The following LEPR variants were observed in gnomAD, a reference collection of about 807,000 sequenced individuals.
The protein encoded by LEPR is leptin receptor.
Under a neutral mutation model 114.7 loss-of-function variants are expected in LEPR, and 56 were observed. The observed-to-expected ratio is 0.49, with a 90% CI of 0.39 to 0.61. The LOEUF (loss-of-function observed/expected upper bound fraction) is 0.61. LEPR is among the 20% of genes least tolerant of loss of function. LEPR has a pLI of 0.00. For missense variants in LEPR, 1,202 were observed against 1,352.9 expected (o/e 0.89, Z 1.75); for synonymous variants, 443 against 461.4 (o/e 0.96, Z 0.51).
intron 2 of LEPR, among the ~76,000 whole-genome samples, chr1:65,451,031 T>C (rs1180050310): frequency 6.7e-6 from 1 of 150,256 alleles, no homozygotes; most frequent in Non-Finnish European, 1.5e-5. Context: ...TGGCCAGTGA[T>C]GGTGAGCATT....
chr1:65,434,666 A>G (rs1299831471), intron 2 of LEPR: 2 of 985,274 alleles, frequency 2.0e-6, no homozygotes, highest in Non-Finnish European at 2.4e-6. Context: ...CCCTTTTCCT[A>G]AGAACAAGGT....
chr1:65,606,647 T>C (rs1174569068), intron 11 of LEPR, among the ~76,000 whole-genome samples: 3 of 152,002 alleles, frequency 2.0e-5, no homozygotes, highest in African/African-American at 4.8e-5. Flanking sequence ...AGACTGGATA[T>C]TCACTGCCAG....
intron 2 of LEPR, among the ~76,000 whole-genome samples, chr1:65,428,438 A>C (rs1646422135): frequency 6.6e-6 from 1 of 152,168 alleles, no homozygotes; most frequent in South Asian, 2.1e-4. Flanking sequence ...GAAGTAGAGA[A>C]TGTCTAAGGG....
At chr1:65,559,922 G>A (rs1653183042) in intron 2 of LEPR, among the ~76,000 whole-genome samples, 1 of 143,500 alleles carries the variant, frequency 7.0e-6, no homozygotes, top group African/African-American at 2.6e-5. Context: ...CTCTGTTTTG[G>A]TACCAGTACC....
chr1:65,526,056 G>A, intron 2 of LEPR: 2 of 944,778 alleles, frequency 2.1e-6, no homozygotes, highest in Non-Finnish European at 2.5e-6. Flanking sequence ...GGAAGATCTG[G>A]ACACACGGCT....
rs951983928 is a variant in LEPR at position 65,433,047 on chromosome 1, A to T, written c.-21+7669A>T. The T allele has an allele frequency of 1.4e-5, 14 of 985,226 alleles. No individual in the cohort carries two copies. The African/African-American group carries it at 2.4e-4, about 17-fold the overall frequency. The allele number at this position is 985,226 out of a possible 1,614,324, so 61.0% of individuals were successfully genotyped here. ...ATGCTGGGGGAAGAGCTCCACTGAGATGCGGGCAGGGAGGCTGGGCTCGAG... is the reference window on the plus strand; with the variant it reads ...ATGCTGGGGGAAGAGCTCCACTGAGTTGCGGGCAGGGAGGCTGGGCTCGAG... On this transcript the variant is annotated intron_variant, in intron 2 of 19. Coordinates refer to ENST00000349533, the MANE Select transcript of LEPR (RefSeq NM_002303.6).
chr1:65,515,301 A>G (rs1377648978), intron 2 of LEPR, among the ~76,000 whole-genome samples: 2 of 152,212 alleles, frequency 1.3e-5, no homozygotes, highest in Non-Finnish European at 2.9e-5. Context: ...TTCCAGACTT[A>G]GTTTAAACTT....
intron 2 of LEPR, among the ~76,000 whole-genome samples, chr1:65,485,065 T>A (rs1647417078): frequency 6.6e-6 from 1 of 152,180 alleles, no homozygotes; most frequent in Non-Finnish European, 1.5e-5. Context: ...TTGAAGTAGT[T>A]GGAAACTACT....
chr1:65,549,450 C>T, intron 2 of LEPR, among the ~76,000 whole-genome samples: 1 of 152,178 alleles, frequency 6.6e-6, no homozygotes, highest in Non-Finnish European at 1.5e-5. Flanking sequence ...TCAGGTACAC[C>T]AATCAGACGC....
chr1:65,536,050 T>C (rs966605829), intron 2 of LEPR, among the ~76,000 whole-genome samples: 2 of 152,190 alleles, frequency 1.3e-5, no homozygotes, highest in African/African-American at 4.8e-5. Flanking sequence ...ACCACTGATA[T>C]AGTTTGGATA....
chr1:65,616,565 TCATA>T (rs1369437583), intron 15 of LEPR, among the ~76,000 whole-genome samples: 7 of 152,014 alleles, frequency 4.6e-5, no homozygotes, highest in Non-Finnish European at 7.4e-5. Flanking sequence ...ATATTTATAT[TCATA>T]CATACACACA....
At chr1:65,629,811 ACT>A (rs1325061030) in intron 19 of LEPR, among the ~76,000 whole-genome samples, 1 of 150,770 alleles carries the variant, frequency 6.6e-6, no homozygotes, top group African/African-American at 2.4e-5. Flanking sequence ...GTTCTAGTGG[ACT>A]CTCCAGGAAC....
intron 2 of LEPR, among the ~76,000 whole-genome samples, chr1:65,426,292 A>G (rs760832295): frequency 1.5e-4 from 20 of 137,696 alleles, no homozygotes; most frequent in Non-Finnish European, 3.0e-4. Flanking sequence ...ATGGTACAGC[A>G]TAAATTGTAG....
At chr1:65,438,857 C>T (rs1434207241) in intron 2 of LEPR, among the ~76,000 whole-genome samples, 1 of 152,082 alleles carries the variant, frequency 6.6e-6, no homozygotes, top group Non-Finnish European at 1.5e-5. Context: ...TTAGATAACC[C>T]AAGTGATTAT....
At chr1:65,600,341 A>T (rs1433149075) in intron 8 of LEPR, among the ~76,000 whole-genome samples, 1 of 152,094 alleles carries the variant, frequency 6.6e-6, no homozygotes, top group Non-Finnish European at 1.5e-5. Context: ...TATGCTACTA[A>T]GTTTTTTCCT....
At chr1:65,537,496 T>C (rs1200318059) in intron 2 of LEPR, among the ~76,000 whole-genome samples, 2 of 152,136 alleles carry the variant, frequency 1.3e-5, no homozygotes, top group African/African-American at 2.4e-5. Context: ...GCAGATACCA[T>C]AGTAGAAGAT....
chr1:65,596,495 G>A lies in LEPR; in HGVS notation c.751G>A (p.Gly251Ser). Residue 251 changes from glycine to serine, a missense_variant, in exon 7 of 20, where the codon GGT (glycine) becomes AGT (serine). Gly to Ser is a moderately conservative substitution (Grantham distance 56). Coordinates refer to ENST00000349533, the MANE Select transcript of LEPR (RefSeq NM_002303.6). ...TTTGCATATGGAAATCACAGATGAT[G>A]GTAATTTAAAGATTTCTTGGTCCAG... Reference protein sequence around the residue: ...LGLHMEITDDGNLKISWSSPP... With the variant: ...LGLHMEITDDSNLKISWSSPP... 1 of 1,612,772 alleles carries A rather than the reference G, an allele frequency of 6.2e-7. No homozygotes were observed. The highest frequency in any genetic ancestry group is 8.5e-7 in the Non-Finnish European group (1 of 1,179,222).
intron 2 of LEPR, among the ~76,000 whole-genome samples, chr1:65,517,432 A>G (rs1304032093): frequency 1.3e-5 from 2 of 152,152 alleles, no homozygotes; most frequent in Non-Finnish European, 2.9e-5. Context: ...AAAATAAGTT[A>G]TCTCTGATCT....
At chr1:65,573,431 G>T (rs114093292) in intron 5 of LEPR, among the ~76,000 whole-genome samples, 24 of 152,118 alleles carry the variant, frequency 1.6e-4, no homozygotes, top group Non-Finnish European at 3.1e-4. Flanking sequence ...TTTCGTATTC[G>T]ATCTCTTTAT....
Sources: gnomAD v4.1 joint callset for allele counts (sites outside exome capture counted in the v4.1 genomes callset) on GRCh38, gnomAD v4.1.1 for gene constraint, MANE v1.5 for transcripts, NCBI Gene and HGNC (gene_info 2026-07-23, HGNC 2026-07-21) for gene names.